Variants in CPA6 observed in about 807,000 individuals in gnomAD.
The protein encoded by CPA6 is carboxypeptidase B.
Under a neutral mutation model 63.3 loss-of-function variants are expected in CPA6, and 58 were observed. The ratio of observed to expected loss-of-function variants is 0.92; its 90% CI spans 0.74 to 1.14. The LOEUF (loss-of-function observed/expected upper bound fraction) is 1.14, where lower values mean the gene tolerates loss of function less well. CPA6 is among the 50% of genes most tolerant of loss of function. The probability of loss-of-function intolerance (pLI) is 0.00; values close to 1 mark genes in which losing one functional copy is unlikely to be tolerated. For missense variants in CPA6, 565 were observed against 526.6 expected (o/e 1.07, Z -0.71); for synonymous variants, 185 against 179.0 (o/e 1.03, Z -0.27).
Position 67,425,903 on chromosome 8 carries a change from T to TC in CPA6, c.1126+2143_1126+2144insG, listed in dbSNP as rs200510743. On this transcript the variant is annotated intron_variant, in intron 10 of 10. Coordinates refer to ENST00000297770, the MANE Select transcript of CPA6 (RefSeq NM_020361.5). ...ATTTCTTTTTCTTTTTCTTTTCTTT[T>TC]TTTTTTTTTTTGAAACAGAATCTCG... Among the ~76,000 whole-genome samples the TC allele has an allele frequency of 9.1e-3, 1,373 of 151,216 alleles. 15 individuals are homozygous for TC. Among genetic ancestry groups the TC allele is most frequent in the African/African-American group, 0.031 (1,292 of 41,292 alleles).
Position 67,487,906 on chromosome 8 carries a change from T to A in CPA6, c.637-3117A>T, listed in dbSNP as rs866721179. On this transcript the variant is annotated intron_variant, in intron 6 of 10. Coordinates refer to ENST00000297770, the MANE Select transcript of CPA6 (RefSeq NM_020361.5). ...CTTTGCCCACTTTTTGATGGGATTG[T>A]TTTTTTCTTGTAAATCTGTTTAAGT... 4.6e-5 allele frequency among the ~76,000 whole-genome samples: 7 copies of A among 152,316 alleles called. No homozygotes were observed. In the Middle Eastern group the frequency reaches 0.01, roughly 222 times the overall value.
chr8:67,535,752 T>C (rs1048688931), intron 2 of CPA6, among the ~76,000 whole-genome samples: 1 of 152,234 alleles, frequency 6.6e-6, no homozygotes, highest in African/African-American at 2.4e-5. Context: ...GCAATTAATT[T>C]TGGTGTTTTA....
chr8:67,532,433 T>C (rs151304960), intron 2 of CPA6, among the ~76,000 whole-genome samples: 19 of 152,176 alleles, frequency 1.2e-4, no homozygotes, highest in African/African-American at 4.1e-4. Context: ...GTCCCAACAA[T>C]TTGGGAGGCT....
In CPA6 at chr8:67,547,797, C is replaced by T. The variant is rs370306025; in HGVS notation, c.193-29750G>A. Among the ~76,000 whole-genome samples, 17 of 152,216 alleles carry T rather than the reference C, an allele frequency of 1.1e-4. 1 individual carries two copies. Among genetic ancestry groups the T allele is most frequent in the East Asian group, 7.7e-4 (4 of 5,176 alleles). ...GTGTGAGTCAACATGCTTGGCCCCA[C>T]GAATTATAGTCTTATACATGGTCTT... On this transcript the variant is annotated intron_variant, in intron 2 of 10. Coordinates refer to ENST00000297770, the MANE Select transcript of CPA6 (RefSeq NM_020361.5).
At position 67,553,405 on chromosome 8, in the gene CPA6, T is replaced by C. The variant is rs138130897; in HGVS notation, c.193-35358A>G. Among the ~76,000 whole-genome samples, 179 of 152,292 alleles carry C rather than the reference T, an allele frequency of 1.2e-3. 1 individual carries two copies. In the East Asian group the frequency reaches 0.03, roughly 26 times the overall value. On this transcript the variant is annotated intron_variant, in intron 2 of 10. Transcript: ENST00000297770. ...GAAAAACAGATAAACAATTTTATGG[T>C]AAAGAGTAATGATATTATAAGTTCT...
At chr8:67,506,413 T>C (rs1489842139) in intron 6 of CPA6, among the ~76,000 whole-genome samples, 1 of 152,224 alleles carries the variant, frequency 6.6e-6, no homozygotes, top group Non-Finnish European at 1.5e-5. Flanking sequence ...GGAAGTCAAG[T>C]GATGTAGAAC....
chr8:67,489,243 C>A (rs116691072), intron 6 of CPA6, among the ~76,000 whole-genome samples: 4,526 of 152,060 alleles, frequency 0.03, 222 homozygotes, highest in African/African-American at 0.1. Context: ...CCAGATCTGA[C>A]CTGTCATTTA....
At chr8:67,481,500 C>T (rs929150109) in intron 8 of CPA6, among the ~76,000 whole-genome samples, 17 of 152,184 alleles carry the variant, frequency 1.1e-4, no homozygotes, top group Admixed American at 6.5e-4. Flanking sequence ...TCCACATGCA[C>T]GCACTAAAGC....
intron 8 of CPA6, among the ~76,000 whole-genome samples, chr8:67,465,305 T>C (rs1810900672): frequency 6.6e-6 from 1 of 151,152 alleles, no homozygotes; most frequent in Non-Finnish European, 1.5e-5. Context: ...AGCTTGAATG[T>C]TATTGGTGTA....
intron 1 of CPA6, among the ~76,000 whole-genome samples, chr8:67,690,562 G>C (rs1279635402): frequency 2.0e-5 from 3 of 152,106 alleles, no homozygotes; most frequent in African/African-American, 7.2e-5. Flanking sequence ...TTAGTGTTCA[G>C]AGTCAGAACT....
At chr8:67,609,480 C>T (rs1331621229) in intron 2 of CPA6, among the ~76,000 whole-genome samples, 1 of 152,022 alleles carries the variant, frequency 6.6e-6, no homozygotes, top group Non-Finnish European at 1.5e-5. Flanking sequence ...TAAGCAATAT[C>T]CTATGTCCTG....
chr8:67,511,109 T>C (rs548451689), intron 4 of CPA6, among the ~76,000 whole-genome samples: 2 of 152,288 alleles, frequency 1.3e-5, no homozygotes, highest in East Asian at 3.9e-4. Context: ...GGTGCAGAGA[T>C]GCCCCAAATG....
chr8:67,652,276 T>C (rs1587671819), intron 1 of CPA6, among the ~76,000 whole-genome samples: 1 of 152,202 alleles, frequency 6.6e-6, no homozygotes, highest in South Asian at 2.1e-4. Flanking sequence ...AATGGCTGGG[T>C]CAAATCATAT....
intron 1 of CPA6, among the ~76,000 whole-genome samples, chr8:67,740,050 A>G (rs1010908941): frequency 6.6e-6 from 1 of 152,240 alleles, no homozygotes; most frequent in Admixed American, 6.5e-5. Context: ...ATATTTGAAG[A>G]CATGGAATAA....
intron 1 of CPA6, among the ~76,000 whole-genome samples, chr8:67,631,086 A>G (rs1815317315): frequency 6.6e-6 from 1 of 152,172 alleles, no homozygotes; most frequent in South Asian, 2.1e-4. Flanking sequence ...CGACCACCCA[A>G]GGGCTGAGGA....
In CPA6 at chr8:67,483,955, A is replaced by AG. The variant is rs796366450; in HGVS notation, c.748-98dup. On this transcript the variant is annotated intron_variant, in intron 7 of 10. Coordinates refer to ENST00000297770, the MANE Select transcript of CPA6 (RefSeq NM_020361.5). ...AATCAATGAAAGAGTCATACCACTG[A>AG]GGGGAGAGTTCTCCTGTGAATAGAC... 3.4e-5 allele frequency: 34 copies of AG among 989,944 alleles called. No homozygotes were observed. In the African/African-American group the frequency reaches 4.6e-4, roughly 13 times the overall value. 61.3% of individuals were successfully genotyped at this position (989,944 alleles called of 1,614,324 possible). A position where few individuals can be genotyped will look rare whatever the true frequency, so the allele number is the denominator to read the frequency against.
At chr8:67,448,722 A>G (rs1810491144) in intron 8 of CPA6, among the ~76,000 whole-genome samples, 1 of 151,316 alleles carries the variant, frequency 6.6e-6, no homozygotes, top group Non-Finnish European at 1.5e-5. Flanking sequence ...AGAAAAAAAG[A>G]AAGTTTTCCC....
intron 1 of CPA6, among the ~76,000 whole-genome samples, chr8:67,734,232 T>C (rs368059056): frequency 6.6e-6 from 1 of 151,558 alleles, no homozygotes; most frequent in South Asian, 2.1e-4. Flanking sequence ...GTGTCAGGCA[T>C]TGGGGGGAGC....
At chr8:67,715,667 C>A (rs547562544) in intron 1 of CPA6, among the ~76,000 whole-genome samples, 27 of 152,248 alleles carry the variant, frequency 1.8e-4, no homozygotes, top group African/African-American at 6.3e-4. Context: ...GCCAAATGGT[C>A]GTAACATAAT....
Sources: allele counts gnomAD v4.1 joint callset (sites outside exome capture counted in the v4.1 genomes callset), GRCh38; gene constraint gnomAD v4.1.1; transcripts MANE v1.5; gene names NCBI Gene and HGNC (gene_info 2026-07-23, HGNC 2026-07-21).